The following PTCD1 variants were observed in gnomAD, a reference collection of about 807,000 sequenced individuals.
PTCD1 encodes pentatricopeptide repeat-containing protein 1, mitochondrial.
Under a neutral mutation model 53.4 loss-of-function variants are expected in PTCD1, and 50 were observed. The ratio of observed to expected loss-of-function variants is 0.94; its 90% CI spans 0.75 to 1.19. The LOEUF is 1.19. PTCD1 is among the 50% of genes most tolerant of loss of function. PTCD1 has a pLI of 0.00. For synonymous variants in PTCD1, 413 were observed against 394.8 expected, an observed-to-expected ratio of 1.05 and a Z score of -0.55; for missense variants, 918 against 904.8, an observed-to-expected ratio of 1.01 and a Z score of -0.19.
chr7:99,424,667 C>G, intron 6 of PTCD1, 128 bp downstream of exon 6: 11 of 1,286,286 alleles, frequency 8.6e-6, no homozygotes, highest in Non-Finnish European at 1.1e-5. Flanking sequence ...ATTGACCCCA[C>G]TCTCTTTGCC....
chr7:99,419,413 A>G lies in PTCD1; in HGVS notation c.*554T>C. On this transcript the variant is annotated 3_prime_UTR_variant, in exon 8 of 8. Transcript: ENST00000292478. ...CAGGGCCGCATCATCGAGTGCACAC[A>G]CTGTGGCTGTCGTGGCTGCTCTGGC... The G allele has an allele frequency of 6.2e-7, 1 of 1,613,140 alleles. No individual in the cohort carries two copies. Among genetic ancestry groups the G allele is most frequent in the Non-Finnish European group, 8.5e-7 (1 of 1,179,998 alleles).
Position 99,423,767 on chromosome 7 carries a change from G to A in PTCD1, c.1920+8C>T. 6.2e-7 allele frequency: 1 copy of A among 1,613,808 alleles called. No individual in the cohort carries two copies. Among genetic ancestry groups the A allele is most frequent in the Non-Finnish European group, 8.5e-7 (1 of 1,180,002 alleles). On this transcript the variant is annotated splice_region_variant and intron_variant, in intron 7 of 7. Transcript: ENST00000292478. ...GAGCTGATGAGCTTTTGAGCTTGGG[G>A]CACACACCCGGTCAAAGGTGGGAGG...
rs866798071 is a variant in PTCD1 at position 99,427,166 on chromosome 7, C to A, written c.916-1550G>T. ...CCCCCACCCGGCCAGCCGCCCCGTC[C>A]GGGAGGGAGGTGGGGGTGGTCAGCC... On this transcript the variant is annotated intron_variant, in intron 5 of 7. Coordinates refer to ENST00000292478, the MANE Select transcript of PTCD1 (RefSeq NM_015545.4). 4.3e-3 allele frequency among the ~76,000 whole-genome samples: 628 copies of A among 147,544 alleles called. 6 individuals carry two copies. The highest frequency in any genetic ancestry group is 0.014 in the African/African-American group (576 of 39,850).
chr7:99,438,752 AGT>A lies in PTCD1; in HGVS notation c.-89_-88del. The A allele has an allele frequency of 7.5e-7, 1 of 1,325,906 alleles. No homozygotes were observed. Among genetic ancestry groups the A allele is most frequent in the African/African-American group, 1.5e-5 (1 of 66,916 alleles). 82.1% of individuals were successfully genotyped at this position (1,325,906 alleles called of 1,614,324 possible). On this transcript the variant is annotated 5_prime_UTR_variant, in exon 1 of 8. Transcript: ENST00000292478. ...CCCTGCCCGGTCCCCGCGGCGAACC[AGT>A]CTCTTCCTCGGGTCCCCCTCTCCCC... is the stretch of plus-strand genomic sequence containing the variant.
chr7:99,429,953 A>T, intron 3 of PTCD1, 147 bp from the exon 4 acceptor site: 1 of 1,023,032 alleles, frequency 9.8e-7, no homozygotes, highest in Non-Finnish European at 1.5e-6. Flanking sequence ...GACACATCAG[A>T]GCCCAGCTCT....
At chr7:99,438,125 TA>T (rs548855964) in intron 1 of PTCD1, among the ~76,000 whole-genome samples, 1 of 151,674 alleles carries the variant, frequency 6.6e-6, no homozygotes. Context: ...CCACCCTGGT[TA>T]AAAAAAACCC....
chr7:99,433,138 C>G, intron 3 of PTCD1, 140 bp downstream of exon 3: 3 of 1,350,654 alleles, frequency 2.2e-6, no homozygotes, highest in Non-Finnish European at 3.2e-6. Context: ...CACCCACAAT[C>G]ACCACCATTT....
chr7:99,419,492 A>T lies in PTCD1; in HGVS notation c.*475T>A. The T allele has an allele frequency of 6.2e-7, 1 of 1,600,408 alleles. No homozygotes were observed. The highest frequency in any genetic ancestry group is 8.5e-7 in the Non-Finnish European group (1 of 1,174,168). On this transcript the variant is annotated 3_prime_UTR_variant, in exon 8 of 8. Transcript: ENST00000292478. ...TGGACTTCGCAGGTTCCTGCCTGTC[A>T]CGCCACCCCCTTCCTGGGAGCAGCG... is the stretch of plus-strand genomic sequence containing the variant.
chr7:99,418,039 C>A lies in PTCD1; in HGVS notation c.*1928G>T. On this transcript the variant is annotated 3_prime_UTR_variant, in exon 8 of 8. Transcript: ENST00000292478. ...CTGGAGTGCAGTGATGCCATCTTGG[C>A]TCACTGCAACCTCCACCTCCCGGGT... The A allele has an allele frequency of 9.3e-7, 1 of 1,080,460 alleles. No homozygotes were observed. The highest frequency in any genetic ancestry group is 1.1e-6 in the Non-Finnish European group (1 of 873,550). The allele number at this position is 1,080,460 out of a possible 1,614,324, so 66.9% of individuals were successfully genotyped here.
At chr7:99,433,562 T>C (rs1292544518) in intron 2 of PTCD1, 144 bp from the exon 3 acceptor site, 4 of 1,515,002 alleles carry the variant, frequency 2.6e-6, no homozygotes, top group Admixed American at 3.8e-5. Flanking sequence ...GGCCCCCAGC[T>C]GTTTCTGCCC....
Position 99,417,780 on chromosome 7 carries a change from GTGTT to G in PTCD1, c.*2183_*2186del, listed in dbSNP as rs1455488031. On this transcript the variant is annotated 3_prime_UTR_variant, in exon 8 of 8. Transcript: ENST00000292478. ...TCCATGTGAGGCAGCGTGTGGCTGTGTGTTTGTTAGGTCTGGGGTCAATCTCAAC... is the reference window on the plus strand; with the variant it reads ...TCCATGTGAGGCAGCGTGTGGCTGTGTGTTAGGTCTGGGGTCAATCTCAAC... 6.5e-7 allele frequency: 1 copy of G among 1,529,732 alleles called. No homozygotes were observed. Among genetic ancestry groups the G allele is most frequent in the African/African-American group, 1.4e-5 (1 of 72,876 alleles). The allele number at this position is 1,529,732 out of a possible 1,614,324, so 94.8% of individuals were successfully genotyped here.
Position 99,433,501 on chromosome 7 carries a change from C to T in PTCD1, c.454-83G>A, listed in dbSNP as rs997134671. 14 of 1,608,978 alleles carry T rather than the reference C, an allele frequency of 8.7e-6. No homozygotes were observed. The East Asian group carries it at 2.5e-4, about 28-fold the overall frequency. ...AGAGAGGGAGGTTGAAGCTGAGGGA[C>T]CCTCCTAAAATGGTGGAGAACGGCG... is the stretch of plus-strand genomic sequence containing the variant. On this transcript the variant is annotated intron_variant, in intron 2 of 7. Coordinates refer to ENST00000292478, the MANE Select transcript of PTCD1 (RefSeq NM_015545.4).
At chr7:99,423,705 G>T in intron 7 of PTCD1, 70 bp downstream of exon 7, 4 of 1,609,420 alleles carry the variant, frequency 2.5e-6, no homozygotes, top group Non-Finnish European at 3.4e-6. Context: ...CCAGAACCGG[G>T]GTTGGGTGGT....
At chr7:99,434,730 A>G in intron 2 of PTCD1, 60 bp downstream of exon 2, 1 of 1,608,858 alleles carries the variant, frequency 6.2e-7, no homozygotes, top group Non-Finnish European at 8.5e-7. Flanking sequence ...GACCCCTTGC[A>G]AAACACTGAG....
chr7:99,434,075 AC>A (rs1796361900), intron 2 of PTCD1, among the ~76,000 whole-genome samples: 1 of 134,536 alleles, frequency 7.4e-6, no homozygotes, highest in Non-Finnish European at 1.5e-5. Context: ...AAACAAAAAA[AC>A]AAACCAGACA....
chr7:99,422,352 T>C (rs761523367), intron 7 of PTCD1, among the ~76,000 whole-genome samples: 11 of 152,178 alleles, frequency 7.2e-5, no homozygotes, highest in African/African-American at 1.2e-4. Context: ...CTTCAAGCCA[T>C]AGTGGCTCTC....
Position 99,419,877 on chromosome 7 carries a change from TC to T in PTCD1, c.*89del. The T allele has an allele frequency of 1.9e-6, 3 of 1,596,146 alleles. No individual in the cohort carries two copies. The highest frequency in any genetic ancestry group is 2.2e-5 in the South Asian group (2 of 90,192). The stretch of plus-strand genomic sequence containing the variant: ...CGGCTGTTCCTCAGGGCCTGGCTCT[TC>T]CCCCAGGCAGGAGGTGACACCAGCT... On this transcript the variant is annotated 3_prime_UTR_variant, in exon 8 of 8. Coordinates refer to ENST00000292478, the MANE Select transcript of PTCD1 (RefSeq NM_015545.4).
chr7:99,437,477 G>C (rs1796527312), intron 1 of PTCD1, among the ~76,000 whole-genome samples: 1 of 151,750 alleles, frequency 6.6e-6, no homozygotes, highest in East Asian at 1.9e-4. Context: ...GCTAATTTTT[G>C]TATTTTTAGT....
intron 2 of PTCD1, among the ~76,000 whole-genome samples, chr7:99,434,224 T>A (rs543489590): frequency 2.6e-5 from 4 of 151,156 alleles, no homozygotes; most frequent in African/African-American, 9.7e-5. Flanking sequence ...GGCGGGCGGA[T>A]CACCTGAGGT....
Sources: allele counts gnomAD v4.1 joint callset (sites outside exome capture counted in the v4.1 genomes callset), GRCh38; gene constraint gnomAD v4.1.1; transcripts MANE v1.5; gene names NCBI Gene and HGNC (gene_info 2026-07-23, HGNC 2026-07-21).